Variants in ZBBX observed in about 807,000 individuals in gnomAD.
ZBBX encodes zinc finger B-box domain-containing protein 1.
ZBBX carries 101 observed loss-of-function variants against 108.5 expected under a neutral mutation model. The observed-to-expected ratio is 0.93, with a 90% CI of 0.79 to 1.10. The LOEUF is 1.10. ZBBX is among the 50% of genes least tolerant of loss of function. ZBBX has a pLI of 0.00. For synonymous variants in ZBBX, 356 were observed against 323.4 expected, an observed-to-expected ratio of 1.10 and a Z score of -1.08; for missense variants, 1,009 against 941.4, an observed-to-expected ratio of 1.07 and a Z score of -0.94.
At chr3:167,253,910 A>C (rs1048143136) in intron 20 of ZBBX, among the ~76,000 whole-genome samples, 4 of 152,234 alleles carry the variant, frequency 2.6e-5, no homozygotes, top group Non-Finnish European at 5.9e-5. Flanking sequence ...AGAAGTAATG[A>C]AAGCAAACTT....
At chr3:167,342,961 T>C (rs1279822085) in intron 9 of ZBBX, among the ~76,000 whole-genome samples, 1 of 151,876 alleles carries the variant, frequency 6.6e-6, no homozygotes, top group Non-Finnish European at 1.5e-5. Flanking sequence ...TATACCTCAA[T>C]AGAGCTGTAA....
chr3:167,191,913 A>C, the ZBBX span, among the ~76,000 whole-genome samples: 1 of 124,178 alleles, frequency 8.1e-6, no homozygotes, highest in Non-Finnish European at 1.7e-5. Flanking sequence ...ATATATATAT[A>C]TATATATATA....
At chr3:167,257,483 AC>A (rs1218301011) in intron 20 of ZBBX, among the ~76,000 whole-genome samples, 2 of 152,124 alleles carry the variant, frequency 1.3e-5, no homozygotes, top group African/African-American at 2.4e-5. Context: ...AAGAGGGCAA[AC>A]TTTTAGGTTC....
chr3:167,313,072 G>T (rs1202991546), intron 16 of ZBBX, among the ~76,000 whole-genome samples: 1 of 152,118 alleles, frequency 6.6e-6, no homozygotes, highest in Non-Finnish European at 1.5e-5. Context: ...GCAAGTAAGT[G>T]AGATGTTCAA....
chr3:167,385,271 C>T (rs541756385), upstream of ZBBX, among the ~76,000 whole-genome samples: 4 of 152,086 alleles, frequency 2.6e-5, no homozygotes, highest in South Asian at 6.2e-4. Context: ...ATACTATACA[C>T]AACTCTAACA....
chr3:167,275,663 G>A (rs1413170887), intron 20 of ZBBX, among the ~76,000 whole-genome samples: 1 of 152,252 alleles, frequency 6.6e-6, no homozygotes, highest in Non-Finnish European at 1.5e-5. Flanking sequence ...TAGCACAGCA[G>A]TCTGAGATCA....
chr3:167,394,735 A>G (rs1748178309), intron 1 of ZBBX, among the ~76,000 whole-genome samples: 1 of 152,032 alleles, frequency 6.6e-6, no homozygotes, highest in Non-Finnish European at 1.5e-5. Flanking sequence ...TAAAAGGTTT[A>G]TTCCTGCATG....
intron 17 of ZBBX, among the ~76,000 whole-genome samples, chr3:167,304,463 A>C (rs1733272310): frequency 6.6e-6 from 1 of 152,152 alleles, no homozygotes; most frequent in Non-Finnish European, 1.5e-5. Context: ...GCCCATCTGA[A>C]GTGGAGCTTT....
Position 167,255,659 on chromosome 3 carries a change from T to A in ZBBX, c.2255-13016A>T, listed in dbSNP as rs568953168. On this transcript the variant is annotated intron_variant, in intron 20 of 21. Transcript: ENST00000675490. ...TTACCTTTTCTCTCAATTTTTAAATTTATTTTTAATTTTTGTGAGTACAAA... is the reference window on the plus strand; with the variant it reads ...TTACCTTTTCTCTCAATTTTTAAATATATTTTTAATTTTTGTGAGTACAAA... Among the ~76,000 whole-genome samples the A allele has an allele frequency of 4.6e-5, 7 of 152,198 alleles. No individual in the cohort carries two copies. In the East Asian group the frequency reaches 1.4e-3, roughly 29 times the overall value.
At chr3:167,272,026 C>T (rs1726615573) in intron 20 of ZBBX, among the ~76,000 whole-genome samples, 1 of 152,176 alleles carries the variant, frequency 6.6e-6, no homozygotes, top group Admixed American at 6.5e-5. Flanking sequence ...GAATATCATA[C>T]ACCTTGGCAT....
chr3:167,312,376 T>C (rs1734738920), intron 16 of ZBBX, among the ~76,000 whole-genome samples: 1 of 152,144 alleles, frequency 6.6e-6, no homozygotes, highest in Non-Finnish European at 1.5e-5. Flanking sequence ...CATTATACTT[T>C]TGTCAAAACT....
At chr3:167,326,725 C>T (rs1737449595) in intron 11 of ZBBX, among the ~76,000 whole-genome samples, 1 of 151,670 alleles carries the variant, frequency 6.6e-6, no homozygotes, top group Non-Finnish European at 1.5e-5. Flanking sequence ...AAGACAGCAT[C>T]CAAATAATGT....
intron 9 of ZBBX, among the ~76,000 whole-genome samples, chr3:167,340,488 C>T (rs970110484): frequency 6.6e-6 from 1 of 152,008 alleles, no homozygotes; most frequent in East Asian, 1.9e-4. Flanking sequence ...CATTATCTCT[C>T]AATTTTTTTA....
chr3:167,181,348 A>G, the ZBBX span, among the ~76,000 whole-genome samples: 5 of 152,204 alleles, frequency 3.3e-5, no homozygotes, highest in Non-Finnish European at 2.9e-5. Context: ...AGAAGCTACA[A>G]TTGGTTGAAT....
chr3:167,215,499 C>T, the ZBBX span, among the ~76,000 whole-genome samples: 1 of 151,892 alleles, frequency 6.6e-6, no homozygotes, highest in Non-Finnish European at 1.5e-5. Flanking sequence ...AGCCTAACAA[C>T]CAAAAAAATC....
the ZBBX span, among the ~76,000 whole-genome samples, chr3:167,181,738 C>T: frequency 6.6e-6 from 1 of 152,178 alleles, no homozygotes; most frequent in African/African-American, 2.4e-5. Flanking sequence ...GTAGATATAA[C>T]AACTTGAATT....
the ZBBX span, among the ~76,000 whole-genome samples, chr3:167,181,483 T>C: frequency 6.6e-6 from 1 of 152,212 alleles, no homozygotes; most frequent in Non-Finnish European, 1.5e-5. Flanking sequence ...GGAAGGCCAA[T>C]GATGTAGAGA....
intron 12 of ZBBX, 63 bp from the exon 13 acceptor site, chr3:167,317,660 A>G (rs564858288): frequency 2.0e-4 from 215 of 1,079,224 alleles, no homozygotes; most frequent in Non-Finnish European, 2.8e-4. Context: ...TTCCCAGACA[A>G]GCTCTTGATT....
At chr3:167,207,213 A>T in the ZBBX span, among the ~76,000 whole-genome samples, 1 of 152,224 alleles carries the variant, frequency 6.6e-6, no homozygotes, top group Non-Finnish European at 1.5e-5. Flanking sequence ...TGCAAATCAC[A>T]TGTCTGATAA....
Sources: allele counts gnomAD v4.1 joint callset (sites outside exome capture counted in the v4.1 genomes callset), GRCh38; gene constraint gnomAD v4.1.1; transcripts MANE v1.5; gene names NCBI Gene and HGNC (gene_info 2026-07-23, HGNC 2026-07-21).